Variants in PBX3 observed in about 807,000 individuals in gnomAD.
The protein encoded by PBX3 is pre-B-cell leukemia transcription factor 3.
In PBX3, 14 loss-of-function variants were observed where a neutral mutation model predicts 48.5. That is an observed-to-expected ratio of 0.29 (90% CI 0.19 to 0.45). The LOEUF is 0.45. Among genes scored for constraint, PBX3 ranks in the 20% least tolerant of loss-of-function variants. PBX3 has a pLI of 1.00. For missense variants in PBX3, 386 were observed against 546.7 expected (o/e 0.71, Z 2.93); for synonymous variants, 210 against 200.3 (o/e 1.05, Z -0.41).
chr9:125,948,184 A>G (rs988444058), intron 5 of PBX3, among the ~76,000 whole-genome samples: 3 of 152,180 alleles, frequency 2.0e-5, no homozygotes, highest in African/African-American at 7.2e-5. Context: ...TGGTTCTGGA[A>G]CTACACTTTG....
Position 125,865,405 on chromosome 9 carries a change from G to A in PBX3, c.275-50281G>A, listed in dbSNP as rs2132301940. 3.0e-5 allele frequency: 5 copies of A among 165,166 alleles called. No individual in the cohort carries two copies. In the East Asian group the frequency reaches 7.7e-4, roughly 25 times the overall value. The allele number at this position is 165,166 out of a possible 1,614,324, so 10.2% of individuals were successfully genotyped here. A position where few individuals can be genotyped will look rare whatever the true frequency, so the allele number is the denominator to read the frequency against. On this transcript the variant is annotated intron_variant, in intron 2 of 8. Transcript: ENST00000373489. ...TTGTGTTTCTTAGGGAATTTCTGTA[G>A]TATCTTTTTGACTATATTTGTTCTA... is the stretch of plus-strand genomic sequence containing the variant.
chr9:125,818,396 A>G lies in PBX3; in HGVS notation c.274+69773A>G, dbSNP rs890199369. Among the ~76,000 whole-genome samples, 3 of 150,612 alleles carry G rather than the reference A, an allele frequency of 2.0e-5. No homozygotes were observed. The South Asian group carries it at 6.4e-4, about 32-fold the overall frequency. On this transcript the variant is annotated intron_variant, in intron 2 of 8. Transcript: ENST00000373489. ...GTCACCCAGGATGGAGTGCAGTGGC[A>G]TGATCTCAGCTCACTACAGCCTCTG...
At chr9:125,801,841 G>C (rs1837958996) in intron 2 of PBX3, among the ~76,000 whole-genome samples, 1 of 139,028 alleles carries the variant, frequency 7.2e-6, no homozygotes. Context: ...TTAACTTTCT[G>C]AATCATTTAT....
chr9:125,812,806 A>G (rs974740305), intron 2 of PBX3, among the ~76,000 whole-genome samples: 1 of 152,256 alleles, frequency 6.6e-6, no homozygotes, highest in Non-Finnish European at 1.5e-5. Context: ...ACAGCATGTT[A>G]TGTGCTGAAT....
At chr9:125,799,379 C>T (rs956127441) in intron 2 of PBX3, among the ~76,000 whole-genome samples, 2 of 152,074 alleles carry the variant, frequency 1.3e-5, no homozygotes, top group South Asian at 2.1e-4. Flanking sequence ...GTGGCGTGCA[C>T]GCTGTAGTCC....
intron 2 of PBX3, among the ~76,000 whole-genome samples, chr9:125,817,984 C>T (rs1369448185): frequency 3.3e-5 from 5 of 152,050 alleles, no homozygotes; most frequent in Admixed American, 6.5e-5. Context: ...GGACGGATCA[C>T]GAGGTCAGGA....
chr9:125,810,626 T>G (rs1290317772), intron 2 of PBX3, among the ~76,000 whole-genome samples: 1 of 152,204 alleles, frequency 6.6e-6, no homozygotes, highest in African/African-American at 2.4e-5. Flanking sequence ...CAGCATCTTT[T>G]GATTATTTGT....
intron 2 of PBX3, among the ~76,000 whole-genome samples, chr9:125,810,840 T>G (rs1207382531): frequency 6.6e-6 from 1 of 152,136 alleles, no homozygotes; most frequent in Non-Finnish European, 1.5e-5. Flanking sequence ...GGCAGAGAGA[T>G]AGGCTTTTGG....
chr9:125,777,216 G>A (rs753802272), intron 2 of PBX3, among the ~76,000 whole-genome samples: 5 of 151,900 alleles, frequency 3.3e-5, no homozygotes, highest in Admixed American at 6.6e-5. Context: ...ATTTTGCCAC[G>A]TTGCCCAGGC....
chr9:125,833,175 C>A (rs1430787261), intron 2 of PBX3, among the ~76,000 whole-genome samples: 1 of 151,998 alleles, frequency 6.6e-6, no homozygotes, highest in Non-Finnish European at 1.5e-5. Context: ...CTGCAATATG[C>A]TAAGAATGTA....
rs552370884 is a variant in PBX3, at chr9:125,960,404, G to A, written c.844-280G>A. Among the ~76,000 whole-genome samples, 3 of 152,204 alleles carry A rather than the reference G, an allele frequency of 2.0e-5. No individual in the cohort carries two copies. The South Asian group carries it at 6.2e-4, about 32-fold the overall frequency. On this transcript the variant is annotated intron_variant, in intron 5 of 8. Transcript: ENST00000373489. The stretch of plus-strand genomic sequence containing the variant: ...GGCCTGACTATTTATATACTAATCG[G>A]TATATAGCAGTTGGATATCTTTTAT...
At chr9:125,923,878 T>A (rs978456160) in intron 3 of PBX3, among the ~76,000 whole-genome samples, 19 of 151,782 alleles carry the variant, frequency 1.3e-4, no homozygotes, top group African/African-American at 4.4e-4. Flanking sequence ...TTTTGTTTTA[T>A]TTTAGAGACA....
intron 6 of PBX3, among the ~76,000 whole-genome samples, chr9:125,961,656 TGAAAG>T (rs1380136419): frequency 6.6e-6 from 1 of 152,004 alleles, no homozygotes; most frequent in Non-Finnish European, 1.5e-5. Flanking sequence ...TAAAAACAGA[TGAAAG>T]GAGAGGGAGG....
chr9:125,864,345 G>A (rs1468742564), intron 2 of PBX3, among the ~76,000 whole-genome samples: 2 of 152,064 alleles, frequency 1.3e-5, no homozygotes, highest in South Asian at 2.1e-4. Flanking sequence ...ACTCCCCAAC[G>A]TTTTTGGCAC....
chr9:125,813,944 A>C (rs13287355), intron 2 of PBX3, among the ~76,000 whole-genome samples: 137,812 of 144,492 alleles, frequency 0.95, 65,771 homozygotes, highest in East Asian at 1. Flanking sequence ...ATGGGCAGAT[A>C]ACCTGAGGTC....
At chr9:125,934,358 T>C (rs534845093) in intron 4 of PBX3, among the ~76,000 whole-genome samples, 1 of 152,306 alleles carries the variant, frequency 6.6e-6, no homozygotes, top group South Asian at 2.1e-4. Flanking sequence ...GATATCACAA[T>C]TGAGAAGAAT....
intron 2 of PBX3, among the ~76,000 whole-genome samples, chr9:125,899,360 AATATAT>A (rs201185950): frequency 9.3e-6 from 1 of 107,552 alleles, no homozygotes; most frequent in African/African-American, 4.0e-5. Context: ...TTTTTATATA[AATATAT>A]ACATATATGT....
intron 2 of PBX3, among the ~76,000 whole-genome samples, chr9:125,762,064 T>C (rs1461476092): frequency 6.6e-6 from 1 of 152,222 alleles, no homozygotes; most frequent in Non-Finnish European, 1.5e-5. Flanking sequence ...TCTAAATATA[T>C]TTGCAATAGT....
chr9:125,752,778 ATTAGTC>A (rs1836412057), intron 2 of PBX3, among the ~76,000 whole-genome samples: 1 of 152,196 alleles, frequency 6.6e-6, no homozygotes, highest in Non-Finnish European at 1.5e-5. Context: ...ATTGTTATAT[ATTAGTC>A]TAAATGTTAT....
Sources: gnomAD v4.1 joint callset for allele counts (sites outside exome capture counted in the v4.1 genomes callset) on GRCh38, gnomAD v4.1.1 for gene constraint, MANE v1.5 for transcripts, NCBI Gene and HGNC (gene_info 2026-07-23, HGNC 2026-07-21) for gene names.